SGCZ: variants seen among roughly 807,000 people sequenced by gnomAD.
SGCZ encodes sarcoglycan zeta.
In SGCZ, 40 loss-of-function variants were observed where a neutral mutation model predicts 41.3. The observed-to-expected ratio is 0.97, with a 90% confidence interval of 0.75 to 1.26. SGCZ has a LOEUF of 1.26. Among genes scored for constraint, SGCZ ranks in the 50% most tolerant of loss-of-function variants. SGCZ has a pLI of 0.00. For synonymous variants in SGCZ, 206 were observed against 137.5 expected (o/e 1.50, Z -3.49); for missense variants, 552 against 369.8 (o/e 1.49, Z -4.04).
intron 1 of SGCZ, among the ~76,000 whole-genome samples, chr8:14,922,836 C>T (rs908137216): frequency 6.6e-6 from 1 of 152,098 alleles, no homozygotes; most frequent in African/African-American, 2.4e-5. Flanking sequence ...AGTAAATACT[C>T]AGTTACAAAA....
chr8:15,089,433 G>A (rs889401883), intron 1 of SGCZ, among the ~76,000 whole-genome samples: 13 of 151,912 alleles, frequency 8.6e-5, no homozygotes, highest in Non-Finnish European at 1.6e-4. Context: ...AAATCTGAAG[G>A]CTGCTGTACA....
At chr8:15,056,243 G>C (rs1161786346) in intron 1 of SGCZ, among the ~76,000 whole-genome samples, 1 of 152,182 alleles carries the variant, frequency 6.6e-6, no homozygotes, top group African/African-American at 2.4e-5. Flanking sequence ...GCTTTCAGCT[G>C]TAAGCATAGA....
intron 1 of SGCZ, among the ~76,000 whole-genome samples, chr8:14,949,569 C>A (rs1800563827): frequency 6.6e-6 from 1 of 151,982 alleles, no homozygotes; most frequent in Admixed American, 6.6e-5. Flanking sequence ...ATCATTAAAT[C>A]TTGGCATGAA....
At chr8:15,037,676 G>C (rs1803920762) in intron 1 of SGCZ, among the ~76,000 whole-genome samples, 1 of 152,142 alleles carries the variant, frequency 6.6e-6, no homozygotes, top group Non-Finnish European at 1.5e-5. Context: ...AAAGTAAGAA[G>C]TTAAACTGTC....
chr8:14,457,966 C>CA (rs1563342414), intron 2 of SGCZ, among the ~76,000 whole-genome samples: 1 of 152,120 alleles, frequency 6.6e-6, no homozygotes, highest in Non-Finnish European at 1.5e-5. Context: ...ACTCTCTCGT[C>CA]ACCACGCACA....
intron 1 of SGCZ, among the ~76,000 whole-genome samples, chr8:15,147,241 C>T (rs895219355): frequency 9.2e-5 from 14 of 152,032 alleles, no homozygotes; most frequent in Non-Finnish European, 1.5e-4. Context: ...CCCAACCTAC[C>T]CCATCCCTCA....
chr8:14,486,045 T>C (rs1317954053), intron 2 of SGCZ, among the ~76,000 whole-genome samples: 1 of 152,066 alleles, frequency 6.6e-6, no homozygotes, highest in Non-Finnish European at 1.5e-5. Context: ...GTAGAACAAT[T>C]TTTTTAGATC....
At chr8:14,146,294 G>A (rs765749193) in intron 5 of SGCZ, among the ~76,000 whole-genome samples, 3 of 152,108 alleles carry the variant, frequency 2.0e-5, no homozygotes, top group Non-Finnish European at 2.9e-5. Flanking sequence ...CATATCTCAA[G>A]TGCTGAAGCA....
intron 1 of SGCZ, among the ~76,000 whole-genome samples, chr8:14,782,145 G>C (rs1800609994): frequency 6.6e-6 from 1 of 152,106 alleles, no homozygotes; most frequent in African/African-American, 2.4e-5. Context: ...GAAAAAATTG[G>C]ATAAACGACT....
At chr8:14,519,765 T>C (rs1423712069) in intron 2 of SGCZ, among the ~76,000 whole-genome samples, 1 of 152,144 alleles carries the variant, frequency 6.6e-6, no homozygotes, top group African/African-American at 2.4e-5. Context: ...TTGGTTTTTG[T>C]TGAAAGTAAT....
At chr8:14,726,335 T>TATATATAA (rs1810055853) in intron 1 of SGCZ, among the ~76,000 whole-genome samples, 1 of 144,824 alleles carries the variant, frequency 6.9e-6, no homozygotes, top group Non-Finnish European at 1.5e-5. Flanking sequence ...TATATATATA[T>TATATATAA]ATATATAAAA....
intron 1 of SGCZ, among the ~76,000 whole-genome samples, chr8:14,817,230 T>C (rs546722255): frequency 1.2e-4 from 19 of 152,282 alleles, no homozygotes; most frequent in African/African-American, 4.6e-4. Context: ...TGGAGGCACC[T>C]GCCTCTGCCA....
intron 4 of SGCZ, among the ~76,000 whole-genome samples, chr8:14,191,409 G>T (rs534945429): frequency 6.6e-6 from 1 of 152,144 alleles, no homozygotes. Context: ...CACTGCCAAG[G>T]TTAATGTCAA....
At chr8:15,047,598 C>T (rs1804359060) in intron 1 of SGCZ, among the ~76,000 whole-genome samples, 1 of 151,918 alleles carries the variant, frequency 6.6e-6, no homozygotes, top group Non-Finnish European at 1.5e-5. Flanking sequence ...AGAGAGAGTA[C>T]AGGGATCTCA....
intron 2 of SGCZ, among the ~76,000 whole-genome samples, chr8:14,342,353 G>C (rs1003290787): frequency 1.1e-4 from 17 of 152,106 alleles, no homozygotes; most frequent in African/African-American, 3.9e-4. Flanking sequence ...GTCTCACTCT[G>C]TCGCCCAGGC....
intron 2 of SGCZ, among the ~76,000 whole-genome samples, chr8:14,423,386 A>T (rs1489834323): frequency 1.3e-5 from 2 of 152,110 alleles, no homozygotes; most frequent in Non-Finnish European, 2.9e-5. Flanking sequence ...TAAAAAATAA[A>T]TTTTTCAATA....
At chr8:14,867,727 T>C (rs1178389424) in intron 1 of SGCZ, among the ~76,000 whole-genome samples, 4 of 151,976 alleles carry the variant, frequency 2.6e-5, no homozygotes, top group African/African-American at 4.8e-5. Context: ...TGTGAACACA[T>C]GGACCGAGGG....
At chr8:15,180,913 C>A (rs1800156433) in intron 1 of SGCZ, among the ~76,000 whole-genome samples, 2 of 151,284 alleles carry the variant, frequency 1.3e-5, no homozygotes, top group East Asian at 3.9e-4. Flanking sequence ...GGGAAAAAGA[C>A]AGGATACCAG....
chr8:14,207,005 T>C (rs948612409), intron 4 of SGCZ, among the ~76,000 whole-genome samples: 2 of 152,182 alleles, frequency 1.3e-5, no homozygotes, highest in African/African-American at 4.8e-5. Context: ...CATCTTATTT[T>C]CTGACGTTTT....
Sources: allele counts gnomAD v4.1 joint callset (sites outside exome capture counted in the v4.1 genomes callset), GRCh38; gene constraint gnomAD v4.1.1; transcripts MANE v1.5; gene names NCBI Gene and HGNC (gene_info 2026-07-23, HGNC 2026-07-21).